Variants in NIPBL observed in about 807,000 individuals in gnomAD.
NIPBL encodes NIPBL cohesin loading factor, also known as nipped-B-like protein.
Under a neutral mutation model 321.8 loss-of-function variants are expected in NIPBL, and 19 were observed. The ratio of observed to expected loss-of-function variants is 0.06; its 90% CI spans 0.04 to 0.09. The LOEUF (loss-of-function observed/expected upper bound fraction) is 0.09. NIPBL is among the 10% of genes least tolerant of loss of function. The probability of loss-of-function intolerance (pLI) is 1.00; values close to 1 mark genes in which losing one functional copy is unlikely to be tolerated. For missense variants in NIPBL, 2,210 were observed against 3,327.0 expected (o/e 0.66, Z 8.26); for synonymous variants, 1,106 against 1,114.1 (o/e 0.99, Z 0.14).
chr5:36,897,470 T>C (rs146530909), intron 1 of NIPBL, among the ~76,000 whole-genome samples: 71 of 152,318 alleles, frequency 4.7e-4, no homozygotes, highest in African/African-American at 1.6e-3. Context: ...GTTTGGTTCA[T>C]TGTGCCCTCC....
intron 6 of NIPBL, among the ~76,000 whole-genome samples, chr5:36,968,010 G>T (rs1027931077): frequency 4.0e-5 from 6 of 150,190 alleles, no homozygotes; most frequent in Non-Finnish European, 1.5e-5. Context: ...GTGGGAGGAT[G>T]GCTTGAGCCT....
intron 1 of NIPBL, among the ~76,000 whole-genome samples, chr5:36,899,209 C>A (rs1349253364): frequency 6.6e-6 from 1 of 152,032 alleles, no homozygotes; most frequent in Non-Finnish European, 1.5e-5. Flanking sequence ...GGGAGAACCC[C>A]TTAAATAGTT....
rs1356246775 is a variant in NIPBL at position 37,007,438 on chromosome 5, A to G, written c.4203A>G (p.Leu1401=). 3.1e-6 allele frequency: 5 copies of G among 1,611,692 alleles called. No individual in the cohort carries two copies. Among genetic ancestry groups the G allele is most frequent in the African/African-American group, 2.7e-5 (2 of 74,882 alleles). ...CDIVSSLSEL[L]EIQLLTDTTI... ...TTGTTAGCAGCTTATCAGAATTGCT[A>G]GAGATACAACTTCTTACAGACACAA... is the stretch of plus-strand genomic sequence containing the variant. Residue 1401 remains leucine, a synonymous_variant, in exon 18 of 47, where the codon CTA becomes CTG. Transcript: ENST00000282516.
At position 36,971,942 on chromosome 5, in the gene NIPBL, T is replaced by C. The variant is rs1415917981; in HGVS notation, c.772-3T>C. 6.2e-7 allele frequency: 1 copy of C among 1,610,890 alleles called. No individual in the cohort carries two copies. The highest frequency in any genetic ancestry group is 1.1e-5 in the South Asian group (1 of 90,968). On this transcript the variant is annotated splice_region_variant and splice_polypyrimidine_tract_variant and intron_variant, in intron 7 of 46. Coordinates refer to ENST00000282516, the MANE Select transcript of NIPBL (RefSeq NM_133433.4). ...AAAGATAAATTGTATACTCTATTTT[T>C]AGGATGGAGATTCTTCAACAATGAG...
intron 42 of NIPBL, 140 bp from the exon 43 acceptor site, chr5:37,057,046 C>A: frequency 1.3e-6 from 1 of 772,980 alleles, no homozygotes; most frequent in Non-Finnish European, 2.2e-6. Context: ...TGTCTCTCCC[C>A]ACTCTCTCCG....
intron 32 of NIPBL, among the ~76,000 whole-genome samples, chr5:37,032,402 TG>T (rs1751151182): frequency 1.4e-5 from 2 of 143,300 alleles, no homozygotes; most frequent in Admixed American, 6.9e-5. Flanking sequence ...TGTGTGTGTG[TG>T]TGTGTGTGTG....
At chr5:36,945,345 A>G (rs1324713819) in intron 1 of NIPBL, among the ~76,000 whole-genome samples, 1 of 152,198 alleles carries the variant, frequency 6.6e-6, no homozygotes, top group Non-Finnish European at 1.5e-5. Context: ...AAGTTTTATT[A>G]AAGTCAGTTC....
chr5:36,962,647 C>T (rs1485958312), intron 6 of NIPBL, among the ~76,000 whole-genome samples: 3 of 152,176 alleles, frequency 2.0e-5, no homozygotes, highest in African/African-American at 7.2e-5. Flanking sequence ...CAGCCTTTCA[C>T]ATACATGGTT....
At chr5:37,007,294 T>C (rs1383944152) in intron 17 of NIPBL, 29 bp from the exon 18 acceptor site, 1 of 1,597,174 alleles carries the variant, frequency 6.3e-7, no homozygotes, top group Non-Finnish European at 8.6e-7. Flanking sequence ...AGTTGATGTT[T>C]TCCTTATCTT....
chr5:37,052,705 T>C, intron 42 of NIPBL, 139 bp downstream of exon 42: 2 of 696,790 alleles, frequency 2.9e-6, no homozygotes, highest in Non-Finnish European at 4.8e-6. Flanking sequence ...TTCTAAGTTA[T>C]TTACAAAGTA....
chr5:36,881,630 T>G (rs1326405565), intron 1 of NIPBL, among the ~76,000 whole-genome samples: 3 of 151,996 alleles, frequency 2.0e-5, no homozygotes, highest in Non-Finnish European at 4.4e-5. Flanking sequence ...ACATTTGTTC[T>G]TATGGATTCA....
chr5:36,963,526 G>C (rs1261271541), intron 6 of NIPBL, among the ~76,000 whole-genome samples: 1 of 152,014 alleles, frequency 6.6e-6, no homozygotes, highest in Non-Finnish European at 1.5e-5. Flanking sequence ...ACACAGCCAG[G>C]TGTGGTGGTA....
chr5:36,979,845 G>A (rs907255332), intron 9 of NIPBL, among the ~76,000 whole-genome samples: 1 of 151,636 alleles, frequency 6.6e-6, no homozygotes, highest in African/African-American at 2.4e-5. Context: ...AGCCAGTTTT[G>A]CAGGAAACAT....
chr5:36,952,053 T>TGCGCGCGCGC (rs1554010277), intron 1 of NIPBL, among the ~76,000 whole-genome samples: 50 of 112,112 alleles, frequency 4.5e-4, no homozygotes, highest in Non-Finnish European at 6.7e-4. Context: ...TGTGTGTGTG[T>TGCGCGCGCGC]GCGCGCGCGC....
intron 14 of NIPBL, among the ~76,000 whole-genome samples, chr5:37,001,792 T>G (rs1252861700): frequency 6.6e-6 from 1 of 152,196 alleles, no homozygotes; most frequent in African/African-American, 2.4e-5. Context: ...ATTACATCTA[T>G]AAATATTAAA....
At chr5:37,003,924 T>C (rs2149673960) in intron 16 of NIPBL, among the ~76,000 whole-genome samples, 1 of 152,328 alleles carries the variant, frequency 6.6e-6, no homozygotes. Flanking sequence ...AGTATATGAA[T>C]GTTTAAATTT....
At chr5:37,024,938 ATATT>A (rs1380200713) in intron 30 of NIPBL, among the ~76,000 whole-genome samples, 2 of 152,166 alleles carry the variant, frequency 1.3e-5, no homozygotes, top group Non-Finnish European at 2.9e-5. Flanking sequence ...CTCAGTGGTA[ATATT>A]TATTTAAGAC....
chr5:36,951,445 A>G (rs1264083872), intron 1 of NIPBL, among the ~76,000 whole-genome samples: 1 of 152,202 alleles, frequency 6.6e-6, no homozygotes, highest in African/African-American at 2.4e-5. Flanking sequence ...TGAGTTGTAT[A>G]TGAATAACAA....
intron 1 of NIPBL, among the ~76,000 whole-genome samples, chr5:36,902,174 A>G (rs1747285458): frequency 6.6e-6 from 1 of 151,744 alleles, no homozygotes; most frequent in African/African-American, 2.4e-5. Context: ...TGTTGGATGT[A>G]TCGTTTGCAA....
Sources: gnomAD v4.1 joint callset for allele counts (sites outside exome capture counted in the v4.1 genomes callset) on GRCh38, gnomAD v4.1.1 for gene constraint, MANE v1.5 for transcripts, NCBI Gene and HGNC (gene_info 2026-07-23, HGNC 2026-07-21) for gene names.